The following ABCC9 variants were observed in gnomAD, a reference collection of about 807,000 sequenced individuals.
The protein encoded by ABCC9 is ATP binding cassette subfamily C member 9.
A neutral mutation model predicts 188.3 loss-of-function variants in ABCC9; 95 were observed. The observed-to-expected ratio is 0.50, with a 90% confidence interval of 0.43 to 0.60. ABCC9 has a LOEUF of 0.60. Among genes scored for constraint, ABCC9 ranks in the 20% least tolerant of loss-of-function variants. ABCC9 has a pLI of 0.00. For synonymous variants in ABCC9, 659 were observed against 652.7 expected (o/e 1.01, Z -0.15); for missense variants, 1,102 against 1,876.3 (o/e 0.59, Z 7.62).
intron 22 of ABCC9, among the ~76,000 whole-genome samples, chr12:21,856,770 A>G (rs905334132): frequency 1.3e-5 from 2 of 152,210 alleles, no homozygotes; most frequent in Admixed American, 1.3e-4. Context: ...AAGAAAGGAT[A>G]ACAGGGAGTG....
At chr12:21,917,181 T>C (rs1948631897) in intron 5 of ABCC9, 78 bp from the exon 6 acceptor site, 1 of 1,464,582 alleles carries the variant, frequency 6.8e-7, no homozygotes, top group Admixed American at 1.7e-5. Context: ...ATTATGATGC[T>C]TTTTAATAAC....
At chr12:21,938,829 A>T (rs963048615) in intron 2 of ABCC9, among the ~76,000 whole-genome samples, 1 of 152,166 alleles carries the variant, frequency 6.6e-6, no homozygotes, top group Admixed American at 6.5e-5. Flanking sequence ...TCGCCTTTGG[A>T]TAAATGTTGT....
intron 12 of ABCC9, among the ~76,000 whole-genome samples, chr12:21,905,410 T>C (rs911609566): frequency 6.0e-5 from 9 of 150,898 alleles, no homozygotes; most frequent in Admixed American, 1.3e-4. Flanking sequence ...ACTTAAAGTA[T>C]AATTAAAAAA....
chr12:21,847,577 A>T lies in ABCC9; in HGVS notation c.2866+573T>A, dbSNP rs145481277. Among the ~76,000 whole-genome samples the T allele has an allele frequency of 1.4e-3, 210 of 152,302 alleles. 1 individual carries two copies. Among genetic ancestry groups the T allele is most frequent in the Middle Eastern group, 0.01 (3 of 294 alleles). ...GGTTTATCTCACAACATTCTTGGCA[A>T]TGAATGTCAAAGCAGTGTAATTATT... On this transcript the variant is annotated intron_variant, in intron 25 of 39. Coordinates refer to ENST00000261200, the MANE Select transcript of ABCC9 (RefSeq NM_020297.4).
chr12:21,847,899 A>G (rs1383593400), intron 25 of ABCC9, among the ~76,000 whole-genome samples: 3 of 152,152 alleles, frequency 2.0e-5, no homozygotes, highest in African/African-American at 7.2e-5. Context: ...ATCCACTGCC[A>G]TTTCCTTTCA....
At chr12:21,880,830 AT>A (rs1483593568) in intron 16 of ABCC9, among the ~76,000 whole-genome samples, 1 of 152,102 alleles carries the variant, frequency 6.6e-6, no homozygotes, top group African/African-American at 2.4e-5. Context: ...AAGGTTGAGG[AT>A]GCACATACCG....
In ABCC9 at chr12:21,818,262, G is replaced by T; in HGVS notation, c.3670-11C>A. Reference sequence around the variant, plus strand: ...AGCTCCCAGATAATCCTTTGAAAAAGCAAGAGAAAATGTTAAAAGGTTACT... The same window carrying T: ...AGCTCCCAGATAATCCTTTGAAAAATCAAGAGAAAATGTTAAAAGGTTACT... On this transcript the variant is annotated splice_polypyrimidine_tract_variant and intron_variant, in intron 31 of 39. Coordinates refer to ENST00000261200, the MANE Select transcript of ABCC9 (RefSeq NM_020297.4). The T allele has an allele frequency of 6.2e-7, 1 of 1,608,956 alleles. No homozygotes were observed. Among genetic ancestry groups the T allele is most frequent in the Non-Finnish European group, 8.5e-7 (1 of 1,175,526 alleles).
chr12:21,915,611 C>T lies in ABCC9; in HGVS notation c.816+57G>A, dbSNP rs543522239. The T allele has an allele frequency of 1.3e-4, 207 of 1,587,356 alleles. 2 individuals are homozygous for T. The South Asian group carries it at 2.2e-3, about 17-fold the overall frequency. Reference sequence around the variant, plus strand: ...CACTGCAAGCTCTGCCTCCCAGGTTCATGCCAACAGGACCATTCTCTGTAA... The same window carrying T: ...CACTGCAAGCTCTGCCTCCCAGGTTTATGCCAACAGGACCATTCTCTGTAA... On this transcript the variant is annotated intron_variant, in intron 7 of 39. Coordinates refer to ENST00000261200, the MANE Select transcript of ABCC9 (RefSeq NM_020297.4).
At chr12:21,920,984 A>C (rs1027639706) in intron 5 of ABCC9, among the ~76,000 whole-genome samples, 7 of 152,008 alleles carry the variant, frequency 4.6e-5, no homozygotes, top group Non-Finnish European at 8.8e-5. Flanking sequence ...ATGGACACTT[A>C]GGTTGCTTCA....
At chr12:21,855,224 T>A (rs907596456) in intron 22 of ABCC9, among the ~76,000 whole-genome samples, 2 of 152,158 alleles carry the variant, frequency 1.3e-5, no homozygotes, top group Non-Finnish European at 2.9e-5. Context: ...TTTATTTATT[T>A]ATTTATTTAT....
chr12:21,938,562 T>C (rs937527446), intron 2 of ABCC9, among the ~76,000 whole-genome samples: 10 of 152,104 alleles, frequency 6.6e-5, no homozygotes, highest in Admixed American at 5.9e-4. Flanking sequence ...GTAGAAATGA[T>C]AAAAAGAAAA....
chr12:21,836,645 C>T (rs1944116352), intron 30 of ABCC9, among the ~76,000 whole-genome samples: 1 of 151,958 alleles, frequency 6.6e-6, no homozygotes, highest in Non-Finnish European at 1.5e-5. Context: ...TTCTTAAGCC[C>T]TCTCTCCTAC....
intron 4 of ABCC9, among the ~76,000 whole-genome samples, chr12:21,932,069 T>C (rs536126299): frequency 6.6e-6 from 1 of 152,172 alleles, no homozygotes; most frequent in African/African-American, 2.4e-5. Flanking sequence ...GACTTTCCTA[T>C]CAAAAAATTT....
At chr12:21,902,841 C>T (rs1947834583) in intron 12 of ABCC9, among the ~76,000 whole-genome samples, 1 of 152,208 alleles carries the variant, frequency 6.6e-6, no homozygotes, top group South Asian at 2.1e-4. Flanking sequence ...GATGGATTCA[C>T]AGCTGAATTC....
intron 14 of ABCC9, among the ~76,000 whole-genome samples, chr12:21,890,771 G>T (rs1047984138): frequency 2.3e-4 from 35 of 150,134 alleles, no homozygotes; most frequent in African/African-American, 7.6e-4. Flanking sequence ...ATTGAACAAT[G>T]AGAACACATG....
intron 12 of ABCC9, among the ~76,000 whole-genome samples, chr12:21,901,980 C>T (rs1475290101): frequency 6.6e-6 from 1 of 152,200 alleles, no homozygotes; most frequent in Non-Finnish European, 1.5e-5. Flanking sequence ...GAACTCTCCA[C>T]CCCAAATCAA....
intron 22 of ABCC9, among the ~76,000 whole-genome samples, chr12:21,858,417 TAAAAA>T (rs948182402): frequency 1.5e-5 from 2 of 137,024 alleles, no homozygotes; most frequent in Non-Finnish European, 3.2e-5. Flanking sequence ...CTACTAAAAA[TAAAAA>T]AAAAAAAATA....
chr12:21,928,279 A>AAAGG (rs1165315307), intron 4 of ABCC9, among the ~76,000 whole-genome samples: 273 of 90,046 alleles, frequency 3.0e-3, no homozygotes, highest in Middle Eastern at 6.0e-3. Flanking sequence ...TGGAAGGGGG[A>AAAGG]AAGGAAGGAA....
At chr12:21,853,177 G>A (rs557389463) in intron 22 of ABCC9, among the ~76,000 whole-genome samples, 1 of 152,164 alleles carries the variant, frequency 6.6e-6, no homozygotes, top group East Asian at 1.9e-4. Context: ...AGCTGGGCAT[G>A]GTGTCGTGGG....
Sources: gnomAD v4.1 joint callset for allele counts (sites outside exome capture counted in the v4.1 genomes callset) on GRCh38, gnomAD v4.1.1 for gene constraint, MANE v1.5 for transcripts, NCBI Gene and HGNC (gene_info 2026-07-23, HGNC 2026-07-21) for gene names.